The following POGLUT3 variants were observed in gnomAD, a reference collection of about 807,000 sequenced individuals.
POGLUT3 encodes the protein KDEL (Lys-Asp-Glu-Leu) containing 2.
In POGLUT3, 48 loss-of-function variants were observed where a neutral mutation model predicts 54.3. The observed-to-expected ratio is 0.88, with a 90% confidence interval of 0.70 to 1.12. The LOEUF is 1.12. Ranked by LOEUF, POGLUT3 falls within the 50% of genes most tolerant of loss-of-function variation. The pLI is 0.00. For synonymous variants in POGLUT3, 218 were observed against 237.4 expected (o/e 0.92, Z 0.75); for missense variants, 629 against 618.7 (o/e 1.02, Z -0.18).
rs773428814 is a variant in POGLUT3 at position 108,486,290 on chromosome 11, T to C, written c.551A>G (p.Lys184Arg). Reference protein sequence around the residue: ...NLQQMLKEVPKRFGDERGAIV... With the variant: ...NLQQMLKEVPRRFGDERGAIV... The stretch of plus-strand genomic sequence containing the variant: ...GGCACCTCTCTCATCCCCAAACCTT[T>C]TGGGGACTTCTTTTAGCATTTGCTG... The change falls in exon 3 of 8, where the codon AAA (lysine) becomes AGA (arginine). Residue 184 changes from lysine to arginine, a missense_variant. By Grantham distance (26) the Lys-to-Arg change is conservative. Transcript: ENST00000323468. 4.3e-6 allele frequency: 7 copies of C among 1,614,184 alleles called. No homozygotes were observed. Among genetic ancestry groups the C allele is most frequent in the South Asian group, 1.1e-5 (1 of 91,082 alleles).
intron 2 of POGLUT3, among the ~76,000 whole-genome samples, chr11:108,490,767 T>C (rs556529603): frequency 6.6e-6 from 1 of 152,250 alleles, no homozygotes; most frequent in East Asian, 1.9e-4. Flanking sequence ...ACTACATGGA[T>C]GTAAATACAC....
chr11:108,481,287 C>T lies in POGLUT3; in HGVS notation c.991G>A (p.Glu331Lys). Residue 331 changes from glutamate to lysine, a missense_variant, in exon 5 of 8, where the codon GAA becomes AAA. Physicochemically the swap from Glu to Lys is moderately conservative, Grantham distance 56 (BLOSUM62 1). Coordinates refer to ENST00000323468, the MANE Select transcript of POGLUT3 (RefSeq NM_153705.5). ...CCTGCATCTAGTAGCTGAGGATTTT[C>T]TTTGGACAGCTGTACCAACTGGAGC... The part of the protein sequence containing the change: ...ERLQLVQLSK[E>K]NPQLLDAGIT... 1.2e-6 allele frequency: 2 copies of T among 1,613,204 alleles called. No individual in the cohort carries two copies. Among genetic ancestry groups the T allele is most frequent in the Non-Finnish European group, 1.7e-6 (2 of 1,179,634 alleles).
At chr11:108,488,855 A>C (rs1245287349) in intron 2 of POGLUT3, among the ~76,000 whole-genome samples, 8 of 152,152 alleles carry the variant, frequency 5.3e-5, no homozygotes, top group Admixed American at 3.3e-4. Context: ...ACCAGAGAGA[A>C]CAGTACTTAT....
In POGLUT3 at chr11:108,474,071, G is replaced by A. The variant is rs1015061460; in HGVS notation, c.*756C>T. On this transcript the variant is annotated 3_prime_UTR_variant, in exon 8 of 8. Transcript: ENST00000323468. ...ATTATGCAGTGACGGGGGGCGGGGG[G>A]ACAACCCTGAACAAATATTTTCTCT... 5.9e-5 allele frequency: 9 copies of A among 151,648 alleles called. No homozygotes were observed. The highest frequency in any genetic ancestry group is 1.5e-4 in the African/African-American group (6 of 41,232). The allele number at this position is 151,648 out of a possible 1,614,324, so 9.4% of individuals were successfully genotyped here.
At chr11:108,477,474 AG>A (rs2093584159) in intron 7 of POGLUT3, 132 bp downstream of exon 7, 1 of 622,550 alleles carries the variant, frequency 1.6e-6, no homozygotes, top group Middle Eastern at 4.1e-4. Flanking sequence ...TCCCTAGGCA[AG>A]TGCCTTGGCT....
intron 1 of POGLUT3, among the ~76,000 whole-genome samples, chr11:108,492,080 A>ACG (rs2093614408): frequency 6.7e-6 from 1 of 149,000 alleles, no homozygotes; most frequent in Non-Finnish European, 1.5e-5. Context: ...GTACAAGCTC[A>ACG]CACACACACA....
At chr11:108,486,131 T>C (rs2093602779) in intron 3 of POGLUT3, 26 bp downstream of exon 3, 2 of 1,503,668 alleles carry the variant, frequency 1.3e-6, no homozygotes, top group South Asian at 2.3e-5. Context: ...AATTAAACTG[T>C]ATTATCAATT....
At position 108,474,907 on chromosome 11, in the gene POGLUT3, T is replaced by G; in HGVS notation, c.1444A>C (p.Met482Leu). 2 of 1,614,108 alleles carry G rather than the reference T, an allele frequency of 1.2e-6. No homozygotes were observed. The highest frequency in any genetic ancestry group is 1.7e-6 in the Non-Finnish European group (2 of 1,179,990). Residue 482 changes from methionine (M) to leucine (L), a missense_variant, in exon 8 of 8, where the codon ATG becomes CTG. Transcript: ENST00000323468. The part of the protein sequence containing the change: ...QSSKPEVRDG[M>L]ELVPQPEDST... The stretch of plus-strand genomic sequence containing the variant: ...TCTTCTGGCTGAGGAACAAGTTCCA[T>G]TCCATCACGTACTTCGGGTTTGCTG...
intron 1 of POGLUT3, among the ~76,000 whole-genome samples, chr11:108,493,539 C>A (rs2093616679): frequency 6.6e-6 from 1 of 152,150 alleles, no homozygotes; most frequent in Non-Finnish European, 1.5e-5. Context: ...GGCGTGGTGG[C>A]TCACGCCTGT....
intron 1 of POGLUT3, among the ~76,000 whole-genome samples, chr11:108,492,701 CAT>C (rs2093615406): frequency 6.6e-6 from 1 of 152,034 alleles, no homozygotes; most frequent in Admixed American, 6.6e-5. Context: ...GAGTACCAAA[CAT>C]ATACATTTTA....
rs563826244 is a variant in POGLUT3 at position 108,481,230 on chromosome 11, C to T, written c.1048G>A (p.Glu350Lys). ...AACTTGGCTTTTCCAAGCTCCTTTTCTTTCTCTTGGAAAAAGAAATATCCT... is the reference window on the plus strand; with the variant it reads ...AACTTGGCTTTTCCAAGCTCCTTTTTTTTCTCTTGGAAAAAGAAATATCCT... ...ITGYFFFQEK[E>K]KELGKAKLMG... Residue 350 changes from glutamate (E) to lysine (K), a missense_variant, in exon 5 of 8, where the codon GAA becomes AAA. Glu to Lys is a moderately conservative substitution (Grantham distance 56). Coordinates refer to ENST00000323468, the MANE Select transcript of POGLUT3 (RefSeq NM_153705.5). 1 of 1,611,690 alleles carries T rather than the reference C, an allele frequency of 6.2e-7. No homozygotes were observed. The highest frequency in any genetic ancestry group is 2.2e-5 in the East Asian group (1 of 44,766).
At chr11:108,493,579 G>A (rs191891914) in intron 1 of POGLUT3, among the ~76,000 whole-genome samples, 11 of 152,260 alleles carry the variant, frequency 7.2e-5, no homozygotes, top group Non-Finnish European at 1.3e-4. Flanking sequence ...GCCAAGGCAG[G>A]TGGATCACAA....
intron 1 of POGLUT3, among the ~76,000 whole-genome samples, chr11:108,492,078 TCACACA>T (rs34082898): frequency 6.7e-6 from 1 of 149,762 alleles, no homozygotes; most frequent in Non-Finnish European, 1.5e-5. Flanking sequence ...TTGTACAAGC[TCACACA>T]CACACACACA....
chr11:108,498,148 C>T lies in POGLUT3; in HGVS notation c.202+17G>A, dbSNP rs1025141567. 9 of 1,497,604 alleles carry T rather than the reference C, an allele frequency of 6.0e-6. No individual in the cohort carries two copies. The African/African-American group carries it at 1.3e-4, about 22-fold the overall frequency. 92.8% of individuals were successfully genotyped at this position (1,497,604 alleles called of 1,614,324 possible). On this transcript the variant is annotated intron_variant, in intron 1 of 7. Transcript: ENST00000323468. ...GACCCGGCCGCGGGACGAGGGAGGC[C>T]GGCGGCTGGACACTACCTGCGGGAG...
chr11:108,486,020 A>G, intron 3 of POGLUT3, 137 bp downstream of exon 3: 1 of 676,494 alleles, frequency 1.5e-6, no homozygotes, highest in South Asian at 2.0e-5. Flanking sequence ...GAACATGATG[A>G]ACACTCAGGT....
chr11:108,481,314 T>C lies in POGLUT3; in HGVS notation c.964A>G (p.Arg322Gly). ...TTGGACAGCTGTACCAACTGGAGCC[T>C]CTCCTCTCGGCTGTCTCTACCTCTG... ...FFRGRDSREE[R>G]LQLVQLSKEN... The change falls in exon 5 of 8, where the codon AGG becomes GGG. Residue 322 changes from arginine (R) to glycine (G), a missense_variant. Transcript: ENST00000323468. 6.2e-7 allele frequency: 1 copy of C among 1,612,654 alleles called. No homozygotes were observed. The highest frequency in any genetic ancestry group is 8.5e-7 in the Non-Finnish European group (1 of 1,179,528).
At position 108,481,207 on chromosome 11, in the gene POGLUT3, C is replaced by T; in HGVS notation, c.1071G>A (p.Lys357=). The T allele has an allele frequency of 6.2e-7, 1 of 1,610,476 alleles. No individual in the cohort carries two copies. The highest frequency in any genetic ancestry group is 8.5e-7 in the Non-Finnish European group (1 of 1,179,084). ...QEKEKELGKA[K]LMGFFDFFKY... is the part of the protein sequence containing the mutation. ...TAAAGAAATCAAAGAAACCCATCAA[C>T]TTGGCTTTTCCAAGCTCCTTTTCTT... is the stretch of plus-strand genomic sequence containing the variant. The change falls in exon 5 of 8, where the codon AAG becomes AAA. Residue 357 remains lysine (K), a synonymous_variant. Coordinates refer to ENST00000323468, the MANE Select transcript of POGLUT3 (RefSeq NM_153705.5).
Position 108,481,366 on chromosome 11 carries a change from C to T in POGLUT3, c.912G>A (p.Trp304Ter). 6.4e-7 allele frequency: 1 copy of T among 1,569,946 alleles called. No homozygotes were observed. Among genetic ancestry groups the T allele is most frequent in the Non-Finnish European group, 8.6e-7 (1 of 1,166,842 alleles). Reference sequence around the variant, plus strand: ...AGAAAGCTCTCTCTGTTTTATTGATCCAGGAAGGCCCTACAAGTTTGAAGC... The same window carrying T: ...AGAAAGCTCTCTCTGTTTTATTGATTCAGGAAGGCCCTACAAGTTTGAAGC... ...LSIQGNTGPS[W>*]INKTERAFFR... is the part of the protein sequence containing the mutation. The change falls in exon 5 of 8, where the codon TGG becomes TGA. Residue 304 changes from tryptophan (W) to a stop codon, truncating the protein, a stop_gained. Transcript: ENST00000323468. LOFTEE classifies it high-confidence loss of function.
At chr11:108,483,030 A>C (rs979452221) in intron 3 of POGLUT3, among the ~76,000 whole-genome samples, 1 of 152,158 alleles carries the variant, frequency 6.6e-6, no homozygotes, top group Non-Finnish European at 1.5e-5. Context: ...CTTCCTTACT[A>C]GGTGTTCTGA....
Sources: gnomAD v4.1 joint callset for allele counts (sites outside exome capture counted in the v4.1 genomes callset) on GRCh38, gnomAD v4.1.1 for gene constraint, MANE v1.5 for transcripts, NCBI Gene and HGNC (gene_info 2026-07-23, HGNC 2026-07-21) for gene names.